ZNF804B: variants seen among roughly 807,000 people sequenced by gnomAD.
The protein encoded by ZNF804B is zinc finger 804B.
In ZNF804B, 80 loss-of-function variants were observed where a neutral mutation model predicts 101.4. The observed-to-expected ratio is 0.79, with a 90% CI of 0.66 to 0.95. ZNF804B has a LOEUF of 0.95. Among genes scored for constraint, ZNF804B ranks in the 40% least tolerant of loss-of-function variants. The pLI is 0.00. For missense variants in ZNF804B, 1,673 were observed against 1,561.9 expected, an observed-to-expected ratio of 1.07 and a Z score of -1.20; for synonymous variants, 622 against 558.8, an observed-to-expected ratio of 1.11 and a Z score of -1.59.
At chr7:89,290,194 C>T (rs925921927) in intron 2 of ZNF804B, among the ~76,000 whole-genome samples, 11 of 152,064 alleles carry the variant, frequency 7.2e-5, no homozygotes, top group Admixed American at 2.6e-4. Flanking sequence ...CACATGGGCA[C>T]GGAATAACAG....
chr7:88,982,966 G>C (rs903962213), intron 1 of ZNF804B, among the ~76,000 whole-genome samples: 2 of 152,038 alleles, frequency 1.3e-5, no homozygotes, highest in Non-Finnish European at 2.9e-5. Flanking sequence ...CTAAGCTTTA[G>C]GTGGAAGAAA....
At chr7:89,320,460 C>T (rs180902668) in intron 2 of ZNF804B, among the ~76,000 whole-genome samples, 44 of 152,064 alleles carry the variant, frequency 2.9e-4, no homozygotes, top group Admixed American at 1.9e-3. Flanking sequence ...ATGCTTATAA[C>T]CTAACTAAAT....
At chr7:88,815,090 A>T (rs1790854533) in intron 1 of ZNF804B, among the ~76,000 whole-genome samples, 1 of 148,722 alleles carries the variant, frequency 6.7e-6, no homozygotes, top group Admixed American at 6.7e-5. Flanking sequence ...GTTCATACAT[A>T]TATGTATTAT....
chr7:89,136,976 A>C (rs62461867), intron 1 of ZNF804B, among the ~76,000 whole-genome samples: 19,596 of 151,942 alleles, frequency 0.13, 1,405 homozygotes, highest in Non-Finnish European at 0.15. Flanking sequence ...TTGCCTGGTA[A>C]CAACCACGTA....
chr7:88,974,044 A>G (rs781290130), intron 1 of ZNF804B, among the ~76,000 whole-genome samples: 1 of 151,306 alleles, frequency 6.6e-6, no homozygotes, highest in Non-Finnish European at 1.5e-5. Flanking sequence ...ATTTCTGACA[A>G]TAATCCAAAG....
intron 1 of ZNF804B, among the ~76,000 whole-genome samples, chr7:88,821,949 AACCATTCTATTCTGTTATTG>A (rs1438202184): frequency 6.6e-6 from 1 of 152,156 alleles, no homozygotes; most frequent in Non-Finnish European, 1.5e-5. Context: ...TGGCTTTTGG[AACCATTCTATTCTGTTATTG>A]TAATGAAATT....
intron 1 of ZNF804B, among the ~76,000 whole-genome samples, chr7:89,145,462 T>C (rs535474953): frequency 7.9e-4 from 120 of 152,160 alleles, no homozygotes; most frequent in African/African-American, 2.8e-3. Flanking sequence ...CATTCATACA[T>C]TTAAAATTTA....
intron 1 of ZNF804B, among the ~76,000 whole-genome samples, chr7:88,973,414 A>G (rs1297156111): frequency 6.6e-6 from 1 of 151,154 alleles, no homozygotes; most frequent in East Asian, 2.0e-4. Context: ...TTTTCTGTAA[A>G]TCTCTCTCTC....
chr7:88,917,249 GA>G (rs1792647916), intron 1 of ZNF804B, among the ~76,000 whole-genome samples: 1 of 151,766 alleles, frequency 6.6e-6, no homozygotes, highest in South Asian at 2.1e-4. Context: ...TGGGGGACAG[GA>G]TAAGACTCTG....
At chr7:88,788,823 G>T (rs186387056) in intron 1 of ZNF804B, among the ~76,000 whole-genome samples, 1 of 152,222 alleles carries the variant, frequency 6.6e-6, no homozygotes, top group East Asian at 1.9e-4. Context: ...ATCAGGGAAA[G>T]AGAAGAATGC....
intron 1 of ZNF804B, among the ~76,000 whole-genome samples, chr7:88,853,676 A>C (rs1352243193): frequency 6.6e-6 from 1 of 152,074 alleles, no homozygotes; most frequent in Non-Finnish European, 1.5e-5. Flanking sequence ...ATATTGTATA[A>C]ATGTGTATAT....
chr7:88,771,630 C>T (rs971081009), intron 1 of ZNF804B, among the ~76,000 whole-genome samples: 6 of 151,992 alleles, frequency 3.9e-5, no homozygotes, highest in African/African-American at 1.4e-4. Flanking sequence ...AACTTACTAA[C>T]CACTTGAAAC....
intron 1 of ZNF804B, among the ~76,000 whole-genome samples, chr7:88,765,778 G>C (rs1463842582): frequency 6.6e-6 from 1 of 152,144 alleles, no homozygotes; most frequent in African/African-American, 2.4e-5. Context: ...GGTTTACTTA[G>C]AGAATAAGAT....
chr7:88,819,891 G>C (rs1201208312), intron 1 of ZNF804B, among the ~76,000 whole-genome samples: 1 of 152,090 alleles, frequency 6.6e-6, no homozygotes, highest in African/African-American at 2.4e-5. Context: ...GTATTGGCAG[G>C]GTCATAAAAC....
In ZNF804B at chr7:88,771,881, G is replaced by C. The variant is rs572213086; in HGVS notation, c.108+11797G>C. Among the ~76,000 whole-genome samples, 210 of 152,174 alleles carry C rather than the reference G, an allele frequency of 1.4e-3. 2 individuals are homozygous for C. Among genetic ancestry groups the C allele is most frequent in the Middle Eastern group, 6.8e-3 (2 of 294 alleles). ...ATATGAATTATGTATTTAATGGCAA[G>C]ACAGCAATAAATGATTAAAGGAAAG... is the stretch of plus-strand genomic sequence containing the variant. On this transcript the variant is annotated intron_variant, in intron 1 of 3. Coordinates refer to ENST00000333190, the MANE Select transcript of ZNF804B (RefSeq NM_181646.5).
intron 1 of ZNF804B, among the ~76,000 whole-genome samples, chr7:89,138,618 G>A (rs1193361988): frequency 1.3e-5 from 2 of 151,962 alleles, no homozygotes; most frequent in African/African-American, 4.8e-5. Flanking sequence ...TTTGGGAGGG[G>A]CTAGAGATGA....
intron 1 of ZNF804B, among the ~76,000 whole-genome samples, chr7:89,109,998 G>T (rs1230644771): frequency 6.6e-6 from 1 of 152,068 alleles, no homozygotes; most frequent in African/African-American, 2.4e-5. Context: ...GGAAAAAAAA[G>T]ACAAAAATAC....
intron 1 of ZNF804B, among the ~76,000 whole-genome samples, chr7:88,866,227 A>C (rs76893406): frequency 6.6e-6 from 1 of 152,232 alleles, no homozygotes; most frequent in East Asian, 1.9e-4. Flanking sequence ...TTATATTATG[A>C]AAATATGTTA....
intron 1 of ZNF804B, among the ~76,000 whole-genome samples, chr7:88,954,469 A>G (rs1793271966): frequency 1.3e-5 from 2 of 151,650 alleles, no homozygotes; most frequent in Admixed American, 6.6e-5. Flanking sequence ...AGGGATGTGT[A>G]TCTCTTTTCT....
Sources: gnomAD v4.1 joint callset for allele counts (sites outside exome capture counted in the v4.1 genomes callset) on GRCh38, gnomAD v4.1.1 for gene constraint, MANE v1.5 for transcripts, NCBI Gene and HGNC (gene_info 2026-07-23, HGNC 2026-07-21) for gene names.